The following RASSF5 variants were observed in gnomAD, a reference collection of about 807,000 sequenced individuals.
The protein encoded by RASSF5 is Ras association domain family member 5.
A neutral mutation model predicts 40.5 loss-of-function variants in RASSF5; 25 were observed. The observed-to-expected ratio is 0.62, with a 90% CI of 0.45 to 0.86. The LOEUF is 0.86. RASSF5 is among the 40% of genes least tolerant of loss of function. The pLI is 0.00. For synonymous variants in RASSF5, 246 were observed against 252.4 expected, an observed-to-expected ratio of 0.97 and a Z score of 0.24; for missense variants, 521 against 572.8, an observed-to-expected ratio of 0.91 and a Z score of 0.92.
intron 1 of RASSF5, among the ~76,000 whole-genome samples, chr1:206,527,902 A>T (rs1312444967): frequency 6.6e-6 from 1 of 151,644 alleles, no homozygotes; most frequent in Admixed American, 6.6e-5. Flanking sequence ...ATGCATCTTC[A>T]CTCTCCACCC....
chr1:206,517,925 C>T (rs1262818314), intron 1 of RASSF5, among the ~76,000 whole-genome samples: 2 of 151,812 alleles, frequency 1.3e-5, no homozygotes, highest in African/African-American at 2.4e-5. Context: ...GTGAATTAGC[C>T]CCAGTTTGTC....
In RASSF5 at chr1:206,560,215, T is replaced by C. The variant is rs965698247; in HGVS notation, c.579+21922T>C. Among the ~76,000 whole-genome samples the C allele has an allele frequency of 3.9e-5, 6 of 152,204 alleles. No individual in the cohort carries two copies. The highest frequency in any genetic ancestry group is 8.8e-5 in the Non-Finnish European group (6 of 68,036). On this transcript the variant is annotated intron_variant, in intron 2 of 5. Transcript: ENST00000579436. The surrounding 1 kb of genome is among the most constrained non-coding windows in gnomAD (Gnocchi z 5.1). ...GAGCTTGCTTCTATAAATAGCCTTG[T>C]CAGAACAACCTGTGTGGCTGCTCAG...
At chr1:206,581,986 A>C (rs569905816) in intron 2 of RASSF5, among the ~76,000 whole-genome samples, 3 of 152,294 alleles carry the variant, frequency 2.0e-5, no homozygotes, top group African/African-American at 7.2e-5. Context: ...AGATGGTGTC[A>C]GAGTCATCCC....
chr1:206,568,834 G>T (rs1478925198), intron 2 of RASSF5, among the ~76,000 whole-genome samples: 1 of 152,224 alleles, frequency 6.6e-6, no homozygotes, highest in African/African-American at 2.4e-5. Context: ...TGTGCAGGAA[G>T]TTCACTATGT....
At chr1:206,582,852 C>A (rs540921884) in intron 2 of RASSF5, among the ~76,000 whole-genome samples, 2 of 152,280 alleles carry the variant, frequency 1.3e-5, no homozygotes, top group South Asian at 4.1e-4. Flanking sequence ...GGAGACAGAC[C>A]ATGGCTTGTA....
At chr1:206,521,912 T>C (rs1348311006) in intron 1 of RASSF5, among the ~76,000 whole-genome samples, 1 of 152,180 alleles carries the variant, frequency 6.6e-6, no homozygotes, top group Non-Finnish European at 1.5e-5. Context: ...GAGGGGCCCC[T>C]CCTGAGCAGG....
At chr1:206,509,709 C>G (rs1417872713) in intron 1 of RASSF5, among the ~76,000 whole-genome samples, 2 of 146,224 alleles carry the variant, frequency 1.4e-5, no homozygotes, top group African/African-American at 5.1e-5. Context: ...AGATTTTGCA[C>G]ATAGTTTTGT....
chr1:206,565,234 C>T (rs892056588), intron 2 of RASSF5, among the ~76,000 whole-genome samples: 11 of 152,296 alleles, frequency 7.2e-5, no homozygotes, highest in East Asian at 3.9e-4. Context: ...TCTCTGTCCC[C>T]GCCTCACCCT....
chr1:206,512,036 T>A (rs1021663379), intron 1 of RASSF5, among the ~76,000 whole-genome samples: 22 of 152,192 alleles, frequency 1.4e-4, no homozygotes, highest in African/African-American at 5.3e-4. Flanking sequence ...TTGGAAGGTA[T>A]TTGCGCACCC....
At chr1:206,575,185 C>T (rs1668595355) in intron 2 of RASSF5, among the ~76,000 whole-genome samples, 1 of 152,080 alleles carries the variant, frequency 6.6e-6, no homozygotes, top group South Asian at 2.1e-4. Context: ...TGCAGACGTT[C>T]CCATCTAGGG....
chr1:206,556,399 A>G (rs991332672), intron 2 of RASSF5, among the ~76,000 whole-genome samples: 3 of 152,272 alleles, frequency 2.0e-5, no homozygotes, highest in African/African-American at 7.2e-5. Flanking sequence ...AATGGTAGCT[A>G]GAACTGCTAT....
intron 1 of RASSF5, among the ~76,000 whole-genome samples, chr1:206,523,350 AT>A (rs1666957373): frequency 2.3e-5 from 3 of 129,926 alleles, no homozygotes; most frequent in Admixed American, 1.0e-4. Flanking sequence ...TATATTATAT[AT>A]TTTATATATT....
intron 1 of RASSF5, among the ~76,000 whole-genome samples, chr1:206,536,711 C>CAA (rs1667422401): frequency 6.6e-6 from 1 of 152,142 alleles, no homozygotes; most frequent in African/African-American, 2.4e-5. Context: ...GGTGCCTGAG[C>CAA]CCTTATCAAC....
Position 206,560,427 on chromosome 1 carries a change from A to G in RASSF5, c.579+22134A>G, listed in dbSNP as rs1553402419. On this transcript the variant is annotated intron_variant, in intron 2 of 5. Transcript: ENST00000579436. This position sits in a 1 kb window ranked among gnomAD's most constrained non-coding sequence, Gnocchi z 5.1. ...AGGGGGTGCCTAAAGGTCAGGAGAC[A>G]GCAAGGGAGATGGGGGCACCAGGCC... Among the ~76,000 whole-genome samples, 1 of 152,246 alleles carries G rather than the reference A, an allele frequency of 6.6e-6. No homozygotes were observed. The highest frequency in any genetic ancestry group is 2.4e-5 in the African/African-American group (1 of 41,478).
chr1:206,570,581 A>G (rs954912716), intron 2 of RASSF5, among the ~76,000 whole-genome samples: 72 of 111,238 alleles, frequency 6.5e-4, no homozygotes, highest in Admixed American at 1.7e-3. Context: ...ACCCCTGGCA[A>G]CCACCATTCT....
Position 206,583,351 on chromosome 1 carries a change from G to A in RASSF5, c.662G>A (p.Arg221Gln), listed in dbSNP as rs200076913. ...CAGAAGATCGACAGCTACAACACGC[G>A]AGAGAAGAACTGCCTGGGCATGAAA... ...IKQKIDSYNT[R>Q]EKNCLGMKLS... The change falls in exon 3 of 6, where the codon CGA (arginine) becomes CAA (glutamine). Residue 221 changes from arginine to glutamine, a missense_variant. Around this residue, in one of 2 missense-constraint regions of RASSF5, gnomAD observed 284 missense variants for 360.8 expected, o/e 0.79. Transcript: ENST00000579436. 2.2e-5 allele frequency: 35 copies of A among 1,613,112 alleles called. No individual in the cohort carries two copies. Among genetic ancestry groups the A allele is most frequent in the Non-Finnish European group, 2.9e-5 (34 of 1,179,512 alleles).
intron 1 of RASSF5, among the ~76,000 whole-genome samples, chr1:206,536,314 G>C (rs1169002909): frequency 2.6e-5 from 4 of 152,212 alleles, no homozygotes; most frequent in Non-Finnish European, 5.9e-5. Context: ...ATCTGAAGGA[G>C]AGGATATTGG....
chr1:206,507,996 G>A lies in RASSF5; in HGVS notation c.394G>A (p.Gly132Ser). The A allele has an allele frequency of 6.6e-7, 1 of 1,521,540 alleles. No homozygotes were observed. The allele number at this position is 1,521,540 out of a possible 1,614,324, so 94.3% of individuals were successfully genotyped here. ...CTGCTTCGCCGAGTTGGTGCTGCCG[G>A]GCGGCCCCGGCTGGTGTGACCTGTG... ...GHCFAELVLP[G>S]GPGWCDLCGR... Residue 132 changes from glycine to serine, a missense_variant, in exon 1 of 6, where the codon GGC (glycine) becomes AGC (serine). By Grantham distance (56) the Gly-to-Ser change is moderately conservative (BLOSUM62 0). Around this residue, in one of 2 missense-constraint regions of RASSF5, gnomAD observed 237 missense variants for 212.0 expected, o/e 1.12. Transcript: ENST00000579436.
At chr1:206,538,536 G>A (rs939175758) in intron 2 of RASSF5, among the ~76,000 whole-genome samples, 1 of 152,194 alleles carries the variant, frequency 6.6e-6, no homozygotes, top group Non-Finnish European at 1.5e-5. Flanking sequence ...GTGGCTTAGG[G>A]CTCTGAGCCA....
Sources: gnomAD v4.1 joint callset for allele counts (sites outside exome capture counted in the v4.1 genomes callset) on GRCh38, gnomAD v4.1.1 for gene constraint, gnomAD v4.1.1 regional missense constraint, Gnocchi (gnomAD v3.1) non-coding constraint, MANE v1.5 for transcripts, NCBI Gene and HGNC (gene_info 2026-07-23, HGNC 2026-07-21) for gene names.